The following GATAD2A variants were observed in gnomAD, a reference collection of about 807,000 sequenced individuals.
The protein encoded by GATAD2A is transcriptional repressor p66-alpha.
A neutral mutation model predicts 68.5 loss-of-function variants in GATAD2A; 12 were observed. The observed-to-expected ratio is 0.18, with a 90% confidence interval of 0.11 to 0.28. The LOEUF (loss-of-function observed/expected upper bound fraction) is 0.28, where lower values mean the gene tolerates loss of function less well. Ranked by LOEUF, GATAD2A falls within the 10% of genes least tolerant of loss-of-function variation. The pLI is 1.00. For missense variants in GATAD2A, 755 were observed against 868.5 expected, an observed-to-expected ratio of 0.87 and a Z score of 1.64; for synonymous variants, 410 against 375.3, an observed-to-expected ratio of 1.09 and a Z score of -1.07.
At chr19:19,402,742 C>T, upstream of GATAD2A, 1 of 145,682 alleles carries the variant, frequency 6.9e-6, no homozygotes, top group African/African-American at 2.5e-5. Context: ...ACGGCTATCA[C>T]TAAGGGTTTT....
chr19:19,405,833 CCGGCGGCG>C lies in GATAD2A; in HGVS notation c.-189_-182del, dbSNP rs2050158150. ...TGCGGCCGAGGGGCGCATTATCTGGCCGGCGGCGCGGGCGGGCGGGCGGACCGGCGCAG... is the reference window on the plus strand; with the variant it reads ...TGCGGCCGAGGGGCGCATTATCTGGCCGGGCGGGCGGGCGGACCGGCGCAG... On this transcript the variant is annotated 5_prime_UTR_variant, in exon 1 of 12. The change abolishes the stop of an existing upstream ORF in the 5' untranslated region. Transcript: ENST00000683918. 1 of 147,936 alleles carries C rather than the reference CCGGCGGCG, an allele frequency of 6.8e-6. No individual in the cohort carries two copies. The highest frequency in any genetic ancestry group is 1.5e-5 in the Non-Finnish European group (1 of 66,648). 9.2% of individuals were successfully genotyped at this position (147,936 alleles called of 1,614,324 possible).
In GATAD2A at chr19:19,417,273, G is replaced by C. The variant is rs141672774; in HGVS notation, c.-7+11254G>C. On this transcript the variant is annotated intron_variant, in intron 1 of 11. Coordinates refer to ENST00000683918, the MANE Select transcript of GATAD2A (RefSeq NM_001384528.1). ...GACAGGGGTGCAGACGTCCTTGTGG[G>C]TAAGTGGCCCCTGCCCTTGACCAGC... 3.9e-5 allele frequency among the ~76,000 whole-genome samples: 6 copies of C among 152,260 alleles called. No individual in the cohort carries two copies. The East Asian group carries it at 1.2e-3, about 29-fold the overall frequency.
At chr19:19,503,796 C>A (rs532310820) in intron 11 of GATAD2A, among the ~76,000 whole-genome samples, 1 of 152,088 alleles carries the variant, frequency 6.6e-6, no homozygotes, top group African/African-American at 2.4e-5. Flanking sequence ...TTTGAGAGAG[C>A]GCCTGGCAGG....
At chr19:19,484,528 T>C (rs2059286521) in intron 2 of GATAD2A, among the ~76,000 whole-genome samples, 1 of 146,060 alleles carries the variant, frequency 6.8e-6, no homozygotes, top group Admixed American at 6.8e-5. Context: ...CTTTTTTTTT[T>C]TTTCTTTTTT....
At chr19:19,418,634 A>G (rs1411652552) in intron 1 of GATAD2A, among the ~76,000 whole-genome samples, 3 of 152,184 alleles carry the variant, frequency 2.0e-5, no homozygotes, top group Non-Finnish European at 4.4e-5. Flanking sequence ...ACACTTTTCC[A>G]GAAAGACCCA....
chr19:19,433,649 C>G (rs1320958966), intron 1 of GATAD2A, among the ~76,000 whole-genome samples: 2 of 152,132 alleles, frequency 1.3e-5, no homozygotes, highest in Non-Finnish European at 1.5e-5. Context: ...TTGATTCATG[C>G]AAACAACAAC....
At chr19:19,410,100 C>T (rs988030606) in intron 1 of GATAD2A, among the ~76,000 whole-genome samples, 3 of 152,190 alleles carry the variant, frequency 2.0e-5, no homozygotes, top group African/African-American at 7.2e-5. Flanking sequence ...CCTCTGTACG[C>T]TGTACCCCCT....
intron 9 of GATAD2A, 141 bp downstream of exon 9, chr19:19,501,557 A>G: frequency 1.5e-6 from 1 of 684,160 alleles, no homozygotes; most frequent in South Asian, 1.9e-5. Flanking sequence ...CGGCAAAAAC[A>G]CTAATTTGCA....
intron 1 of GATAD2A, among the ~76,000 whole-genome samples, chr19:19,413,262 G>A (rs974089616): frequency 6.6e-5 from 10 of 152,210 alleles, no homozygotes; most frequent in Non-Finnish European, 1.3e-4. Flanking sequence ...GTTCACATCC[G>A]CAGAGGAACA....
chr19:19,432,925 AGT>A (rs2053912385), intron 1 of GATAD2A, among the ~76,000 whole-genome samples: 3 of 152,320 alleles, frequency 2.0e-5, no homozygotes, highest in Middle Eastern at 6.8e-3. Flanking sequence ...AGTAGAGGAC[AGT>A]GTGGCCAGTG....
chr19:19,396,057 A>C (rs1255935105), intron 1 of GATAD2A, among the ~76,000 whole-genome samples: 1 of 152,172 alleles, frequency 6.6e-6, no homozygotes, highest in Non-Finnish European at 1.5e-5. Flanking sequence ...ACGGTGGCTC[A>C]CACCTGTAAA....
intron 1 of GATAD2A, among the ~76,000 whole-genome samples, chr19:19,442,881 G>T (rs1447817252): frequency 6.6e-6 from 1 of 151,958 alleles, no homozygotes; most frequent in Non-Finnish European, 1.5e-5. Context: ...ATTTAAAAAT[G>T]GGTAGAGGGA....
Position 19,418,088 on chromosome 19 carries a change from G to A in GATAD2A, c.-7+12069G>A, listed in dbSNP as rs189306944. On this transcript the variant is annotated intron_variant, in intron 1 of 11. Coordinates refer to ENST00000683918, the MANE Select transcript of GATAD2A (RefSeq NM_001384528.1). ...GGAGGGTGACATAGGCCCTCAGATT[G>A]TGGATCTTTGGTTTTAGGGGTAGTG... Among the ~76,000 whole-genome samples, 216 of 152,298 alleles carry A rather than the reference G, an allele frequency of 1.4e-3. 1 individual carries two copies. Among genetic ancestry groups the A allele is most frequent in the African/African-American group, 5.0e-3 (209 of 41,552 alleles).
intron 2 of GATAD2A, among the ~76,000 whole-genome samples, chr19:19,482,242 A>G (rs2059113081): frequency 6.6e-6 from 1 of 152,158 alleles, no homozygotes; most frequent in Admixed American, 6.5e-5. Flanking sequence ...TGTCTCTACT[A>G]AAAATACAAA....
At chr19:19,425,491 G>A (rs2052968100) in intron 1 of GATAD2A, among the ~76,000 whole-genome samples, 1 of 152,226 alleles carries the variant, frequency 6.6e-6, no homozygotes, top group African/African-American at 2.4e-5. Flanking sequence ...GCACCAGATA[G>A]TTGTTTACCC....
intron 1 of GATAD2A, among the ~76,000 whole-genome samples, chr19:19,447,755 G>A (rs1056497944): frequency 6.6e-6 from 1 of 152,210 alleles, no homozygotes. Flanking sequence ...GAGGAAGGGC[G>A]CCTGGGCAGG....
At chr19:19,502,223 C>T in intron 10 of GATAD2A, 108 bp from the exon 11 acceptor site, 3 of 985,254 alleles carry the variant, frequency 3.0e-6, no homozygotes, top group South Asian at 3.1e-5. Flanking sequence ...TTAGGGACCC[C>T]ATGTGGGTGG....
At chr19:19,490,653 G>A (rs749129030) in intron 2 of GATAD2A, among the ~76,000 whole-genome samples, 18 of 152,098 alleles carry the variant, frequency 1.2e-4, no homozygotes, top group Non-Finnish European at 2.5e-4. Flanking sequence ...AGGCCGAGGC[G>A]GGCGGATCAT....
upstream of GATAD2A, among the ~76,000 whole-genome samples, chr19:19,405,599 CAG>C (rs2050122896): frequency 6.6e-6 from 1 of 151,882 alleles, no homozygotes; most frequent in African/African-American, 2.4e-5. Flanking sequence ...CCCCTCAACT[CAG>C]GGGCCCGCCT....
Sources: allele counts gnomAD v4.1 joint callset (sites outside exome capture counted in the v4.1 genomes callset), GRCh38; gene constraint gnomAD v4.1.1; transcripts MANE v1.5; gene names NCBI Gene and HGNC (gene_info 2026-07-23, HGNC 2026-07-21).